Variants in RBFOX1 observed in about 807,000 individuals in gnomAD.
RBFOX1 encodes RNA binding protein fox-1 homolog 1.
A neutral mutation model predicts 57.7 loss-of-function variants in RBFOX1; 8 were observed. The ratio of observed to expected loss-of-function variants is 0.14; its 90% CI spans 0.08 to 0.25. The LOEUF is 0.25. Ranked by LOEUF, RBFOX1 falls within the 10% of genes least tolerant of loss-of-function variation. The pLI, the probability that RBFOX1 is intolerant of heterozygous loss-of-function variation, is 1.00. For synonymous variants in RBFOX1, 326 were observed against 222.4 expected, an observed-to-expected ratio of 1.47 and a Z score of -4.15; for missense variants, 611 against 548.5, an observed-to-expected ratio of 1.11 and a Z score of -1.14.
intron 4 of RBFOX1, among the ~76,000 whole-genome samples, chr16:7,347,939 C>G (rs1421539186): frequency 6.6e-6 from 1 of 152,170 alleles, no homozygotes. Context: ...CTCATTCATG[C>G]TAGTGCCTTC....
chr16:6,232,257 C>A (rs2097468072), intron 1 of RBFOX1, among the ~76,000 whole-genome samples: 1 of 152,138 alleles, frequency 6.6e-6, no homozygotes, highest in African/African-American at 2.4e-5. Context: ...GAATGTCACA[C>A]CAGGAGGGAC....
intron 10 of RBFOX1, among the ~76,000 whole-genome samples, chr16:7,627,187 C>CAAA (rs139069709): frequency 3.1e-4 from 26 of 82,752 alleles, no homozygotes; most frequent in Admixed American, 6.7e-4. Flanking sequence ...TTCTATTTGA[C>CAAA]AAAAAAAAAA....
At chr16:5,404,142 G>GGA (rs1465796897) in intron 1 of RBFOX1, among the ~76,000 whole-genome samples, 3 of 151,900 alleles carry the variant, frequency 2.0e-5, no homozygotes, top group African/African-American at 7.3e-5. Context: ...CTGGAGACTT[G>GGA]GAGGGGTGAG....
chr16:7,135,377 C>A (rs1476206295), intron 4 of RBFOX1, among the ~76,000 whole-genome samples: 6 of 152,200 alleles, frequency 3.9e-5, no homozygotes, highest in Admixed American at 3.3e-4. Flanking sequence ...CACAGCAGAA[C>A]AATTTATTTT....
chr16:6,853,992 T>C (rs1414902289), intron 3 of RBFOX1, among the ~76,000 whole-genome samples: 1 of 152,158 alleles, frequency 6.6e-6, no homozygotes, highest in Non-Finnish European at 1.5e-5. Flanking sequence ...GAGCTATTAG[T>C]CTGCAGGCCA....
At chr16:5,667,669 A>G (rs570560635) in intron 3 of RBFOX1, among the ~76,000 whole-genome samples, 2 of 152,244 alleles carry the variant, frequency 1.3e-5, no homozygotes, top group South Asian at 2.1e-4. Flanking sequence ...TGATCTCTGG[A>G]TATCTTTTCA....
At chr16:5,270,963 C>T (rs1706106940) in intron 1 of RBFOX1, 1 of 355,330 alleles carries the variant, frequency 2.8e-6, no homozygotes, top group Middle Eastern at 6.3e-4. Flanking sequence ...AAAGTTCAGA[C>T]TTATAACAGT....
At position 6,412,886 on chromosome 16, in the gene RBFOX1, T is replaced by G. The variant is rs115760617; in HGVS notation, c.-64+95829T>G. ...ACCTGGCATTTGTTGAGTCTCTCTT[T>G]GGATGGTTTGTGTGGCACTATCAGA... On this transcript the variant is annotated intron_variant, in intron 2 of 15. Transcript: ENST00000550418. Among the ~76,000 whole-genome samples the G allele has an allele frequency of 3.7e-3, 561 of 152,346 alleles. 3 individuals carry two copies. Among genetic ancestry groups the G allele is most frequent in the African/African-American group, 0.013 (525 of 41,590 alleles).
chr16:6,121,153 G>A (rs1015834937), intron 1 of RBFOX1, among the ~76,000 whole-genome samples: 1 of 152,192 alleles, frequency 6.6e-6, no homozygotes, highest in Non-Finnish European at 1.5e-5. Flanking sequence ...TCCAGGCACA[G>A]CCCTGCCAAC....
intron 3 of RBFOX1, among the ~76,000 whole-genome samples, chr16:6,847,870 G>T (rs1197482113): frequency 6.6e-6 from 1 of 151,848 alleles, no homozygotes; most frequent in East Asian, 1.9e-4. Flanking sequence ...TGGAGTCTTG[G>T]TCTGTCAGTC....
At chr16:6,628,554 C>T (rs1292626242) in intron 2 of RBFOX1, among the ~76,000 whole-genome samples, 7 of 152,184 alleles carry the variant, frequency 4.6e-5, no homozygotes, top group Admixed American at 2.0e-4. Flanking sequence ...ACCAATCCAC[C>T]TCATTTTGTT....
At chr16:6,042,777 C>T (rs1208024521) in intron 1 of RBFOX1, among the ~76,000 whole-genome samples, 3 of 152,084 alleles carry the variant, frequency 2.0e-5, no homozygotes, top group Non-Finnish European at 2.9e-5. Context: ...GAAAGGTATA[C>T]ATTGGTTCAG....
At chr16:5,955,897 T>C (rs778944483) in intron 4 of RBFOX1, among the ~76,000 whole-genome samples, 3 of 152,140 alleles carry the variant, frequency 2.0e-5, no homozygotes, top group Non-Finnish European at 2.9e-5. Context: ...AATGCTCAAA[T>C]AGCAAACACT....
chr16:5,794,017 C>G (rs186718838), intron 3 of RBFOX1, among the ~76,000 whole-genome samples: 36 of 152,250 alleles, frequency 2.4e-4, no homozygotes, highest in East Asian at 1.2e-3. Flanking sequence ...CTGATCTGAA[C>G]TTCACTTTTT....
In RBFOX1 at chr16:6,931,321, C is replaced by G. The variant is rs1227925267; in HGVS notation, c.-15-120736C>G. 2.8e-4 allele frequency among the ~76,000 whole-genome samples: 36 copies of G among 127,770 alleles called. 1 individual carries two copies. The highest frequency in any genetic ancestry group is 4.1e-4 in the Non-Finnish European group (26 of 62,718). The allele number at this position is 127,770 out of a possible 152,430, so 83.8% of individuals were successfully genotyped here. On this transcript the variant is annotated intron_variant, in intron 3 of 15. Transcript: ENST00000550418. ...TCTATCTATCTATCTATCTATCTAT[C>G]TATCTATCTATCTATCTCTACACAC...
intron 12 of RBFOX1, among the ~76,000 whole-genome samples, chr16:7,662,715 G>A (rs538249456): frequency 8.3e-4 from 126 of 152,334 alleles, no homozygotes; most frequent in Non-Finnish European, 1.5e-3. Flanking sequence ...CCAGCTGCAG[G>A]TGGGCACCGG....
At chr16:6,604,176 G>C (rs1237094539) in intron 2 of RBFOX1, among the ~76,000 whole-genome samples, 1 of 151,710 alleles carries the variant, frequency 6.6e-6, no homozygotes, top group Non-Finnish European at 1.5e-5. Context: ...GAGAGTCACT[G>C]TGATCAACCC....
chr16:6,649,580 C>T (rs1189290306), intron 2 of RBFOX1, among the ~76,000 whole-genome samples: 4 of 152,170 alleles, frequency 2.6e-5, no homozygotes, highest in African/African-American at 4.8e-5. Context: ...GCTTCCTCAT[C>T]GCTTAGCTCC....
rs1269904729 is a variant in RBFOX1, at chr16:5,326,117, C to T, written c.219+86012C>T. On this transcript the variant is annotated intron_variant, in intron 1 of 2. Coordinates refer to the RBFOX1 transcript ENST00000585867. ...TCCAGTTGCTCCACATCCTTGTCAGCACTTGGTATCGTCAGCATTTTTAAT... is the reference window on the plus strand; with the variant it reads ...TCCAGTTGCTCCACATCCTTGTCAGTACTTGGTATCGTCAGCATTTTTAAT... Among the ~76,000 whole-genome samples the T allele has an allele frequency of 3.9e-5, 6 of 152,340 alleles. No individual in the cohort carries two copies. The East Asian group carries it at 7.7e-4, about 20-fold the overall frequency.
Sources: gnomAD v4.1 joint callset for allele counts (sites outside exome capture counted in the v4.1 genomes callset) on GRCh38, gnomAD v4.1.1 for gene constraint, MANE v1.5 for transcripts, NCBI Gene and HGNC (gene_info 2026-07-23, HGNC 2026-07-21) for gene names.